NIBAN2: variants seen among roughly 807,000 people sequenced by gnomAD.
NIBAN2 encodes niban apoptosis regulator 2, also known as protein Niban 2.
Under a neutral mutation model 81.8 loss-of-function variants are expected in NIBAN2, and 36 were observed. The ratio of observed to expected loss-of-function variants is 0.44; its 90% CI spans 0.34 to 0.58. NIBAN2 has a LOEUF of 0.58. Among genes scored for constraint, NIBAN2 ranks in the 20% least tolerant of loss-of-function variants. The probability of loss-of-function intolerance (pLI) is 0.02; values close to 1 mark genes in which losing one functional copy is unlikely to be tolerated. For synonymous variants in NIBAN2, 445 were observed against 441.6 expected, an observed-to-expected ratio of 1.01 and a Z score of -0.10; for missense variants, 897 against 1,014.1, an observed-to-expected ratio of 0.88 and a Z score of 1.57.
At chr9:127,527,023 C>G (rs1211327664) in intron 3 of NIBAN2, among the ~76,000 whole-genome samples, 171 bp downstream of exon 3, 1 of 152,128 alleles carries the variant, frequency 6.6e-6, no homozygotes, top group African/African-American at 2.4e-5. Flanking sequence ...AGAGAGGGCA[C>G]CCAGGGCAGC....
At chr9:127,514,287 A>AC (rs869147435) in intron 8 of NIBAN2, among the ~76,000 whole-genome samples, 1 of 151,198 alleles carries the variant, frequency 6.6e-6, no homozygotes, top group African/African-American at 2.4e-5. Flanking sequence ...AAAAAAAAAA[A>AC]CTAAAAGAAT....
Position 127,506,855 on chromosome 9 carries a change from G to C in NIBAN2, c.2231C>G (p.Thr744Ser). Residue 744 changes from threonine (T) to serine (S), a missense_variant, in exon 14 of 14, where the codon ACT becomes AGT. Coordinates refer to ENST00000373312, the MANE Select transcript of NIBAN2 (RefSeq NM_022833.4). The part of the protein sequence containing the change: ...TTTEDSAGVQ[T>S]EF ...CAGGGACCCACTGGCCTAGAACTCA[G>C]TCTGCACCCCTGCACTGTCCTCGGT... 2 of 1,607,942 alleles carry C rather than the reference G, an allele frequency of 1.2e-6. No homozygotes were observed. Among genetic ancestry groups the C allele is most frequent in the Non-Finnish European group, 1.7e-6 (2 of 1,177,390 alleles).
intron 8 of NIBAN2, among the ~76,000 whole-genome samples, chr9:127,514,270 C>CAAAAAAA (rs34295842): frequency 8.5e-6 from 1 of 118,132 alleles, no homozygotes; most frequent in Non-Finnish European, 1.7e-5. Context: ...ACTCTGTGTC[C>CAAAAAAA]AAAAAAAAAA....
At chr9:127,546,843 A>T (rs1837480180) in intron 1 of NIBAN2, among the ~76,000 whole-genome samples, 1 of 151,920 alleles carries the variant, frequency 6.6e-6, no homozygotes, top group Admixed American at 6.6e-5. Context: ...TACAATTACT[A>T]GGAGCCCCAA....
intron 1 of NIBAN2, among the ~76,000 whole-genome samples, chr9:127,539,316 G>A (rs907271512): frequency 2.6e-5 from 4 of 152,090 alleles, no homozygotes; most frequent in African/African-American, 4.8e-5. Context: ...CCGCAATGCC[G>A]CTTTCAAACC....
intron 2 of NIBAN2, among the ~76,000 whole-genome samples, chr9:127,531,341 G>A (rs2247730): frequency 0.73 from 110,620 of 151,834 alleles, 41,433 homozygotes; most frequent in Middle Eastern, 0.85. Context: ...AAACTTAGCC[G>A]GGCATGGTGG....
intron 8 of NIBAN2, among the ~76,000 whole-genome samples, chr9:127,514,400 T>A (rs1836788411): frequency 6.6e-6 from 1 of 151,940 alleles, no homozygotes; most frequent in African/African-American, 2.4e-5. Context: ...TCAAAACATC[T>A]CATGTACCCC....
chr9:127,533,566 C>T lies in NIBAN2; in HGVS notation c.56-1788G>A, dbSNP rs372545263. 2.7e-3 allele frequency among the ~76,000 whole-genome samples: 411 copies of T among 150,522 alleles called. 1 individual carries two copies. Among genetic ancestry groups the T allele is most frequent in the African/African-American group, 9.5e-3 (389 of 40,808 alleles). On this transcript the variant is annotated intron_variant, in intron 1 of 13. Coordinates refer to ENST00000373312, the MANE Select transcript of NIBAN2 (RefSeq NM_022833.4). ...GAGGGTCACTTAAGCCCAGGGAGGT[C>T]GAGGCTGCAGCGAGCTATGATCGTG... is the stretch of plus-strand genomic sequence containing the variant.
chr9:127,547,943 A>G (rs1259922085), intron 1 of NIBAN2, among the ~76,000 whole-genome samples: 1 of 152,226 alleles, frequency 6.6e-6, no homozygotes, highest in Non-Finnish European at 1.5e-5. Flanking sequence ...AGCCTGGGCA[A>G]ATGTGGGCTG....
chr9:127,507,844 C>T lies in NIBAN2; in HGVS notation c.1654+23G>A. On this transcript the variant is annotated intron_variant, in intron 13 of 13. Transcript: ENST00000373312. The surrounding 1 kb of genome is among the most constrained non-coding windows in gnomAD (Gnocchi z 6.8). ...CCCCCAGCATCCTCCTGGCAACAGT[C>T]CCCACCCCGGGACGGCACCCACCCT... 5.6e-6 allele frequency: 9 copies of T among 1,606,986 alleles called. No individual in the cohort carries two copies. Among genetic ancestry groups the T allele is most frequent in the Non-Finnish European group, 7.7e-6 (9 of 1,173,782 alleles).
chr9:127,523,546 C>T (rs1837000761), intron 5 of NIBAN2, 133 bp downstream of exon 5: 7 of 829,548 alleles, frequency 8.4e-6, no homozygotes, highest in South Asian at 3.5e-5. Context: ...TTTCTTATAA[C>T]CCCAGAAGGG....
upstream of NIBAN2, among the ~76,000 whole-genome samples, chr9:127,571,132 T>C (rs1837941082): frequency 6.6e-6 from 1 of 152,072 alleles, no homozygotes; most frequent in Non-Finnish European, 1.5e-5. Context: ...CCAGGGGGGT[T>C]AGAGATGGGG....
chr9:127,530,535 C>T lies in NIBAN2; in HGVS notation c.186+1113G>A, dbSNP rs547824897. Among the ~76,000 whole-genome samples the T allele has an allele frequency of 7.2e-5, 11 of 152,260 alleles. No homozygotes were observed. The East Asian group carries it at 1.9e-3, about 27-fold the overall frequency. ...CTCTTCCCAGAAGGCTTTGCCAGCCCCCTCTGGCCCACGCTGACCCTCAGG... is the reference window on the plus strand; with the variant it reads ...CTCTTCCCAGAAGGCTTTGCCAGCCTCCTCTGGCCCACGCTGACCCTCAGG... On this transcript the variant is annotated intron_variant, in intron 2 of 13. Transcript: ENST00000373312.
chr9:127,576,652 C>A (rs1362677823), intron 1 of NIBAN2, among the ~76,000 whole-genome samples: 1 of 150,724 alleles, frequency 6.6e-6, no homozygotes, highest in Non-Finnish European at 1.5e-5. Context: ...GTGGCTCACG[C>A]CTGTAATCCC....
At position 127,507,907 on chromosome 9, in the gene NIBAN2, C is replaced by G. The variant is rs751672920; in HGVS notation, c.1614G>C (p.Glu538Asp). The change falls in exon 13 of 14, where the codon GAG (glutamate) becomes GAC (aspartate). Residue 538 changes from glutamate to aspartate, a missense_variant. Physicochemically the swap from Glu to Asp is conservative, Grantham distance 45. Around this residue, in one of 3 missense-constraint regions of NIBAN2, gnomAD observed 619 missense variants for 691.0 expected, o/e 0.90. Transcript: ENST00000373312. The surrounding 1 kb of genome is among the most constrained non-coding windows in gnomAD (Gnocchi z 6.8). ...ARFILVENTY[E>D]EVVLQTVMKD... ...TCATGACGGTCTGCAGCACCACCTC[C>G]TCGTACGTGTTTTCCACCAGGATGA... 4 of 1,614,214 alleles carry G rather than the reference C, an allele frequency of 2.5e-6. No individual in the cohort carries two copies. In the South Asian group the frequency reaches 3.3e-5, roughly 13 times the overall value.
rs1836599477 is a variant in NIBAN2 at position 127,506,596 on chromosome 9, CA to C, written c.*248del. On this transcript the variant is annotated 3_prime_UTR_variant, in exon 14 of 14. Coordinates refer to ENST00000373312, the MANE Select transcript of NIBAN2 (RefSeq NM_022833.4). ...CCCCAGCAGTGTCCAGCCCTTGGCACAAGCAGGAAAACCCCAAAACCAGCCC... is the reference window on the plus strand; with the variant it reads ...CCCCAGCAGTGTCCAGCCCTTGGCACAGCAGGAAAACCCCAAAACCAGCCC... 2.4e-6 allele frequency: 1 copy of C among 411,402 alleles called. No individual in the cohort carries two copies. The highest frequency in any genetic ancestry group is 4.3e-6 in the Non-Finnish European group (1 of 232,664). The allele number at this position is 411,402 out of a possible 1,614,324, so 25.5% of individuals were successfully genotyped here.
intron 5 of NIBAN2, among the ~76,000 whole-genome samples, chr9:127,522,270 A>G (rs569715755): frequency 2.3e-4 from 35 of 152,220 alleles, no homozygotes; most frequent in African/African-American, 7.9e-4. Context: ...GGCTCTGGAG[A>G]GGCGAGCAGG....
intron 1 of NIBAN2, among the ~76,000 whole-genome samples, chr9:127,540,735 C>T (rs1406691034): frequency 6.6e-6 from 1 of 152,244 alleles, no homozygotes; most frequent in Non-Finnish European, 1.5e-5. Context: ...TCTCCAGCTG[C>T]GACCACATCC....
chr9:127,570,999 A>G (rs1331743575), upstream of NIBAN2, among the ~76,000 whole-genome samples: 2 of 152,234 alleles, frequency 1.3e-5, no homozygotes, highest in Non-Finnish European at 2.9e-5. Context: ...TGATGCTGAT[A>G]ACCTCTTTTC....
Sources: gnomAD v4.1 joint callset for allele counts (sites outside exome capture counted in the v4.1 genomes callset) on GRCh38, gnomAD v4.1.1 for gene constraint, gnomAD v4.1.1 regional missense constraint, Gnocchi (gnomAD v3.1) non-coding constraint, MANE v1.5 for transcripts, NCBI Gene and HGNC (gene_info 2026-07-23, HGNC 2026-07-21) for gene names.